The following PCSK5 variants were observed in gnomAD, a reference collection of about 807,000 sequenced individuals.
PCSK5 encodes prohormone convertase 5.
PCSK5 carries 129 observed loss-of-function variants against 233.2 expected under a neutral mutation model. The ratio of observed to expected loss-of-function variants is 0.55; its 90% confidence interval spans 0.48 to 0.64. The LOEUF (loss-of-function observed/expected upper bound fraction) is 0.64. PCSK5 is among the 30% of genes least tolerant of loss of function. The probability of loss-of-function intolerance (pLI) is 0.00; values close to 1 mark genes in which losing one functional copy is unlikely to be tolerated. For missense variants in PCSK5, 2,076 were observed against 2,430.1 expected (o/e 0.85, Z 3.06); for synonymous variants, 825 against 879.2 (o/e 0.94, Z 1.09).
intron 20 of PCSK5, among the ~76,000 whole-genome samples, chr9:76,210,066 G>A (rs1000838681): frequency 6.6e-6 from 1 of 152,160 alleles, no homozygotes; most frequent in Non-Finnish European, 1.5e-5. Context: ...AGAGCATGAG[G>A]ATGTGTCTTA....
intron 35 of PCSK5, among the ~76,000 whole-genome samples, chr9:76,341,035 C>T (rs961885372): frequency 1.3e-4 from 19 of 146,254 alleles, no homozygotes; most frequent in African/African-American, 4.6e-4. Context: ...GGCAACTTGG[C>T]GAAATCCTGT....
chr9:75,998,947 C>T (rs966522259), intron 3 of PCSK5, among the ~76,000 whole-genome samples: 4 of 152,082 alleles, frequency 2.6e-5, no homozygotes, highest in Non-Finnish European at 5.9e-5. Flanking sequence ...ATCAAATATC[C>T]AGCCAGTTTT....
chr9:76,211,763 G>T (rs1328223074), intron 20 of PCSK5, among the ~76,000 whole-genome samples: 8 of 152,198 alleles, frequency 5.3e-5, no homozygotes, highest in Non-Finnish European at 1.0e-4. Flanking sequence ...CTAGATGAGT[G>T]CTTAAGCCTG....
At chr9:76,008,148 T>C (rs73452514) in intron 3 of PCSK5, among the ~76,000 whole-genome samples, 15,451 of 152,058 alleles carry the variant, frequency 0.1, 1,491 homozygotes, top group African/African-American at 0.25. Flanking sequence ...GGGCTTCTGC[T>C]TCCTTTTACT....
intron 2 of PCSK5, among the ~76,000 whole-genome samples, chr9:75,954,002 G>A (rs1824984021): frequency 6.6e-6 from 1 of 152,120 alleles, no homozygotes; most frequent in Non-Finnish European, 1.5e-5. Context: ...AGTAACCTTT[G>A]TATTCACATT....
chr9:76,033,156 G>A (rs1828717034), intron 5 of PCSK5, among the ~76,000 whole-genome samples: 1 of 152,218 alleles, frequency 6.6e-6, no homozygotes, highest in African/African-American at 2.4e-5. Context: ...GACAAGGACT[G>A]TTGTGAGGAG....
chr9:76,296,896 G>C lies in PCSK5; in HGVS notation c.3523+31G>C, dbSNP rs564857103. The stretch of plus-strand genomic sequence containing the variant: ...TGCCCCCCAAAAAAGAGGTCACAGG[G>C]GTCTAGCGACCTACTCTGCTTCCCT... On this transcript the variant is annotated intron_variant, in intron 27 of 37. Transcript: ENST00000674117. The C allele has an allele frequency of 1.1e-4, 157 of 1,449,888 alleles. 1 individual carries two copies. The South Asian group carries it at 1.5e-3, about 14-fold the overall frequency. 89.8% of individuals were successfully genotyped at this position (1,449,888 alleles called of 1,614,324 possible). A position where few individuals can be genotyped will look rare whatever the true frequency, so the allele number is the denominator to read the frequency against.
At chr9:76,356,675 C>T (rs1830311566) in intron 37 of PCSK5, among the ~76,000 whole-genome samples, 1 of 152,074 alleles carries the variant, frequency 6.6e-6, no homozygotes, top group African/African-American at 2.4e-5. Flanking sequence ...GGTAAAATCC[C>T]ATGAGAATGA....
chr9:75,947,997 A>G (rs1412011340), intron 2 of PCSK5, among the ~76,000 whole-genome samples: 1 of 151,880 alleles, frequency 6.6e-6, no homozygotes, highest in African/African-American at 2.4e-5. Flanking sequence ...ACGTACTACC[A>G]TGCCCACTTA....
chr9:76,147,689 C>T (rs1056915812), intron 10 of PCSK5, among the ~76,000 whole-genome samples: 2 of 152,186 alleles, frequency 1.3e-5, no homozygotes, highest in Non-Finnish European at 2.9e-5. Flanking sequence ...GAATTATCTT[C>T]TCTCCTGTGC....
At chr9:75,991,150 C>T (rs980732942) in intron 3 of PCSK5, among the ~76,000 whole-genome samples, 4 of 152,118 alleles carry the variant, frequency 2.6e-5, no homozygotes, top group African/African-American at 9.7e-5. Context: ...CAAAGTCACA[C>T]CATTTACCAG....
At chr9:76,208,591 G>A (rs1330699112) in intron 20 of PCSK5, among the ~76,000 whole-genome samples, 1 of 152,132 alleles carries the variant, frequency 6.6e-6, no homozygotes, top group Non-Finnish European at 1.5e-5. Flanking sequence ...CCATTACAGT[G>A]AGCCATCATC....
Position 75,891,321 on chromosome 9 carries a change from T to A in PCSK5, c.140T>A (p.Phe47Tyr). 6 of 1,561,128 alleles carry A rather than the reference T, an allele frequency of 3.8e-6. No homozygotes were observed. The Middle Eastern group carries it at 1.0e-3, about 263-fold the overall frequency. The change falls in exon 1 of 38, where the codon TTC becomes TAC. Residue 47 changes from phenylalanine to tyrosine, a missense_variant. Phe to Tyr is a conservative substitution (Grantham distance 22, BLOSUM62 3). This residue lies in a region of PCSK5 where 190 missense variants were observed against 216.3 expected (regional missense o/e 0.88). Coordinates refer to ENST00000674117, the MANE Select transcript of PCSK5 (RefSeq NM_001372043.1). The stretch of plus-strand genomic sequence containing the variant: ...TGGGCAGTCAAAATCGCCGGGGGCT[T>A]CCCGGAGGCCAACCGTATCGCCAGC... ...NHWAVKIAGG[F>Y]PEANRIASKY...
chr9:76,072,369 C>G (rs889759750), intron 7 of PCSK5, among the ~76,000 whole-genome samples: 25 of 152,164 alleles, frequency 1.6e-4, no homozygotes, highest in African/African-American at 5.8e-4. Flanking sequence ...AACCAAGTAG[C>G]TTAATGCATC....
At chr9:76,279,040 C>T (rs2131384282) in intron 24 of PCSK5, among the ~76,000 whole-genome samples, 1 of 149,532 alleles carries the variant, frequency 6.7e-6, no homozygotes, top group East Asian at 2.0e-4. Context: ...TTAGGCATGT[C>T]TCCCAATGCT....
intron 2 of PCSK5, among the ~76,000 whole-genome samples, chr9:75,976,713 A>G (rs1826038145): frequency 6.6e-6 from 1 of 151,422 alleles, no homozygotes; most frequent in Non-Finnish European, 1.5e-5. Flanking sequence ...TAAATACTTT[A>G]TTCAATATTT....
intron 35 of PCSK5, among the ~76,000 whole-genome samples, chr9:76,347,248 T>C (rs1830003943): frequency 1.3e-5 from 2 of 152,268 alleles, no homozygotes; most frequent in East Asian, 3.9e-4. Context: ...TCTGCATTTG[T>C]TGAATTCATC....
intron 28 of PCSK5, 96 bp downstream of exon 28, chr9:76,302,313 G>C (rs1170097095): frequency 2.0e-6 from 1 of 492,340 alleles, no homozygotes; most frequent in Non-Finnish European, 3.5e-6. Flanking sequence ...TGGGAGGCCA[G>C]AAGCAAATGG....
chr9:76,128,097 A>C (rs1822591315), intron 9 of PCSK5, among the ~76,000 whole-genome samples: 1 of 152,186 alleles, frequency 6.6e-6, no homozygotes, highest in African/African-American at 2.4e-5. Context: ...TGGGCCTAGA[A>C]CTGCATAATT....
Sources: gnomAD v4.1 joint callset for allele counts (sites outside exome capture counted in the v4.1 genomes callset) on GRCh38, gnomAD v4.1.1 for gene constraint, gnomAD v4.1.1 regional missense constraint, MANE v1.5 for transcripts, NCBI Gene and HGNC (gene_info 2026-07-23, HGNC 2026-07-21) for gene names.